DUOX2: variants seen among roughly 807,000 people sequenced by gnomAD.
The protein encoded by DUOX2 is NADH/NADPH thyroid oxidase p138-tox.
A neutral mutation model predicts 183.3 loss-of-function variants in DUOX2; 185 were observed. The ratio of observed to expected loss-of-function variants is 1.01; its 90% CI spans 0.90 to 1.14. The LOEUF (loss-of-function observed/expected upper bound fraction) is 1.14, where lower values mean the gene tolerates loss of function less well. Among genes scored for constraint, DUOX2 ranks in the 50% most tolerant of loss-of-function variants. The pLI is 0.00. For synonymous variants in DUOX2, 788 were observed against 812.4 expected, an observed-to-expected ratio of 0.97 and a Z score of 0.51; for missense variants, 1,999 against 2,022.9, an observed-to-expected ratio of 0.99 and a Z score of 0.23.
chr15:45,097,952 A>G, intron 27 of DUOX2, 57 bp downstream of exon 27: 1 of 1,577,804 alleles, frequency 6.3e-7, no homozygotes, highest in Non-Finnish European at 8.7e-7. Flanking sequence ...ATTCACAGAG[A>G]GATGGAGACA....
rs748234399 is a variant in DUOX2, at chr15:45,094,702, AG to A, written c.4396-12del. ...CCGCTCGCAGATGTACTGGGGGCAC[AG>A]GGGCAGGTCAGACCAAAGACAGTCA... On this transcript the variant is annotated splice_polypyrimidine_tract_variant and intron_variant, in intron 32 of 33. Coordinates refer to ENST00000389039, the MANE Select transcript of DUOX2 (RefSeq NM_001363711.2). 11 of 1,613,818 alleles carry A rather than the reference AG, an allele frequency of 6.8e-6. No individual in the cohort carries two copies. Among genetic ancestry groups the A allele is most frequent in the Non-Finnish European group, 5.1e-6 (6 of 1,179,882 alleles).
chr15:45,108,577 A>C (rs990017797), intron 12 of DUOX2: 1 of 665,702 alleles, frequency 1.5e-6, no homozygotes, highest in South Asian at 1.9e-5. Context: ...GGTACAATGC[A>C]GTGGTTAGGA....
intron 9 of DUOX2, 137 bp downstream of exon 9, chr15:45,110,291 T>G: frequency 1.3e-6 from 1 of 798,352 alleles, no homozygotes; most frequent in Non-Finnish European, 2.0e-6. Context: ...ACCCCAGGGT[T>G]CTGTTTCAGG....
At chr15:45,103,478 G>A (rs1045487508) in intron 20 of DUOX2, among the ~76,000 whole-genome samples, 10 of 152,146 alleles carry the variant, frequency 6.6e-5, no homozygotes, top group Admixed American at 2.0e-4. Context: ...AAACCAGAAA[G>A]GGCTTAAGAT....
At position 45,112,674 on chromosome 15, in the gene DUOX2, C is replaced by T; in HGVS notation, c.205G>A (p.Val69Met). 1.2e-6 allele frequency: 2 copies of T among 1,612,772 alleles called. No individual in the cohort carries two copies. The highest frequency in any genetic ancestry group is 1.7e-6 in the Non-Finnish European group (2 of 1,179,908). ...TGCGGCTCCTCCAGAGCCTGATACACACCGTCGGCGTAATTGGCTGGTACG... is the reference window on the plus strand; with the variant it reads ...TGCGGCTCCTCCAGAGCCTGATACATACCGTCGGCGTAATTGGCTGGTACG... ...RRVPANYADG[V>M]YQALEEPQLP... Residue 69 changes from valine (V) to methionine (M), a missense_variant, in exon 4 of 34, where the codon GTG becomes ATG. By Grantham distance (21) the Val-to-Met change is conservative. Transcript: ENST00000389039.
At position 45,111,896 on chromosome 15, in the gene DUOX2, G is replaced by A. The variant is rs201139674; in HGVS notation, c.385C>T (p.Leu129Phe). The A allele has an allele frequency of 4.6e-5, 75 of 1,613,880 alleles. No individual in the cohort carries two copies. The highest frequency in any genetic ancestry group is 3.3e-4 in the Middle Eastern group (2 of 6,060). ...TCTCCAGGTGGGATGCGGATGTTGA[G>A]GAACTCGGCGGGGCAACCGGGCGTT... ...VETPGCPAEFLNIRIPPGDPV... is the reference protein window; with the variant it reads ...VETPGCPAEFFNIRIPPGDPV... Residue 129 changes from leucine (L) to phenylalanine (F), a missense_variant, in exon 5 of 34, where the codon CTC becomes TTC. Around this residue, in one of 3 missense-constraint regions of DUOX2, gnomAD observed 356 missense variants for 356.4 expected, o/e 1.00. Transcript: ENST00000389039.
intron 8 of DUOX2, 32 bp downstream of exon 8, chr15:45,110,618 C>G: frequency 6.2e-7 from 1 of 1,613,588 alleles, no homozygotes; most frequent in Non-Finnish European, 8.5e-7. Context: ...CAGGATTCTC[C>G]GCACAGGTGT....
chr15:45,094,598 G>A lies in DUOX2; in HGVS notation c.4489C>T (p.Pro1497Ser). The change falls in exon 33 of 34, where the codon CCC becomes TCC. Residue 1497 changes from proline to serine, a missense_variant. Physicochemically the swap from Pro to Ser is moderately conservative, Grantham distance 74. Transcript: ENST00000389039. ...ITHFGRPPFE[P>S]FFNSLQEVHP... ...ACCTCCTGCAGGGAGTTGAAGAAGGGCTCGAAGGGGGGACGGCCAAAGTGG... is the reference window on the plus strand; with the variant it reads ...ACCTCCTGCAGGGAGTTGAAGAAGGACTCGAAGGGGGGACGGCCAAAGTGG... 2 of 1,614,068 alleles carry A rather than the reference G, an allele frequency of 1.2e-6. No homozygotes were observed. Among genetic ancestry groups the A allele is most frequent in the Non-Finnish European group, 1.7e-6 (2 of 1,179,978 alleles).
In DUOX2 at chr15:45,106,564, T is replaced by A. The variant is rs1373090030; in HGVS notation, c.1909A>T (p.Ser637Cys). 1.2e-6 allele frequency: 2 copies of A among 1,614,156 alleles called. No homozygotes were observed. Among genetic ancestry groups the A allele is most frequent in the African/African-American group, 1.3e-5 (1 of 75,030 alleles). Reference sequence around the variant, plus strand: ...TCTTTGGCTGCTTCCTTCTTCACGCTCTCTTTGAGTTTCTTTTGTAGCTTC... The same window carrying A: ...TCTTTGGCTGCTTCCTTCTTCACGCACTCTTTGAGTTTCTTTTGTAGCTTC... Reference protein sequence around the residue: ...HKKLQKKLKESVKKEAAKDGV... With the variant: ...HKKLQKKLKECVKKEAAKDGV... The change falls in exon 16 of 34, where the codon AGC (serine) becomes TGC (cysteine). Residue 637 changes from serine to cysteine, a missense_variant. This residue lies in a region of DUOX2 where 1,628 missense variants were observed against 1,608.6 expected (regional missense o/e 1.01). Transcript: ENST00000389039.
At chr15:45,110,798 A>T in intron 7 of DUOX2, 88 bp from the exon 8 acceptor site, 1 of 1,594,606 alleles carries the variant, frequency 6.3e-7, no homozygotes, top group Admixed American at 1.7e-5. Context: ...TTCCGTGTGG[A>T]GATGAGACCA....
intron 19 of DUOX2, 33 bp downstream of exon 19, chr15:45,104,107 T>C: frequency 6.2e-7 from 1 of 1,614,032 alleles, no homozygotes. Flanking sequence ...ACCCCTGGAT[T>C]CTTGGATAGC....
chr15:45,108,041 C>T lies in DUOX2; in HGVS notation c.1574+6G>A. 1 of 1,613,816 alleles carries T rather than the reference C, an allele frequency of 6.2e-7. No homozygotes were observed. Among genetic ancestry groups the T allele is most frequent in the South Asian group, 1.1e-5 (1 of 91,068 alleles). ...AGTCTGAGGTGGGGGCCCAGGCAAG[C>T]CTTACCCATTCCTGGTGTTCTCAAA... On this transcript the variant is annotated splice_donor_region_variant and intron_variant, in intron 13 of 33. Coordinates refer to ENST00000389039, the MANE Select transcript of DUOX2 (RefSeq NM_001363711.2).
In DUOX2 at chr15:45,099,709, G is replaced by C; in HGVS notation, c.3368C>G (p.Ala1123Gly). 6.2e-7 allele frequency: 1 copy of C among 1,614,178 alleles called. No homozygotes were observed. The highest frequency in any genetic ancestry group is 8.5e-7 in the Non-Finnish European group (1 of 1,180,036). The stretch of plus-strand genomic sequence containing the variant: ...GGCGATCCAGCGGTGGAAGTCCACT[G>C]CGGCATCAAAAGGCACATAGCGGTT... ...FLNRYVPFDA[A>G]VDFHRWIAMA... The change falls in exon 25 of 34, where the codon GCA becomes GGA. Residue 1123 changes from alanine (A) to glycine (G), a missense_variant. Around this residue, in one of 3 missense-constraint regions of DUOX2, gnomAD observed 1,628 missense variants for 1,608.6 expected, o/e 1.01. Coordinates refer to ENST00000389039, the MANE Select transcript of DUOX2 (RefSeq NM_001363711.2).
At chr15:45,109,316 A>T in intron 11 of DUOX2, 1 of 612,872 alleles carries the variant, frequency 1.6e-6, no homozygotes, top group Non-Finnish European at 2.9e-6. Flanking sequence ...AGACATAGTT[A>T]ATTTAAAATA....
chr15:45,106,272 C>A lies in DUOX2; in HGVS notation c.2001G>T (p.Leu667=), dbSNP rs1894211800. 3 of 1,614,164 alleles carry A rather than the reference C, an allele frequency of 1.9e-6. No individual in the cohort carries two copies. The highest frequency in any genetic ancestry group is 1.7e-6 in the Non-Finnish European group (2 of 1,180,030). Residue 667 remains leucine (L), a synonymous_variant, in exon 17 of 34, where the codon CTG becomes CTT. Coordinates refer to ENST00000389039, the MANE Select transcript of DUOX2 (RefSeq NM_001363711.2). ...TCAGGACCTGCAGACACCTGTCTGA[C>A]AGCAGCTGGATGATGATGGGACTGC... ...ERSSPIIIQL[L]SDRCLQVLNR...
rs1894248187 is a variant in DUOX2 at position 45,107,410 on chromosome 15, A to C, written c.1628T>G (p.Val543Gly). Residue 543 changes from valine (V) to glycine (G), a missense_variant, in exon 14 of 34, where the codon GTG becomes GGG. Physicochemically the swap from Val to Gly is moderately radical, Grantham distance 109. Transcript: ENST00000389039. ...GTCAATGTTGATAACAGCGACCAGC[A>C]CGTCCCGCAGGGTGGTATTTCGGAT... is the stretch of plus-strand genomic sequence containing the variant. ...EDIRNTTLRD[V>G]LVAVINIDPS... The C allele has an allele frequency of 6.2e-7, 1 of 1,614,220 alleles. No homozygotes were observed. The highest frequency in any genetic ancestry group is 8.5e-7 in the Non-Finnish European group (1 of 1,180,038).
At chr15:45,103,463 C>A (rs1894131166) in intron 20 of DUOX2, among the ~76,000 whole-genome samples, 1 of 152,008 alleles carries the variant, frequency 6.6e-6, no homozygotes, top group African/African-American at 2.4e-5. Flanking sequence ...TTTACCGGCA[C>A]AACAAAACCA....
intron 4 of DUOX2, 129 bp downstream of exon 4, chr15:45,112,425 G>C: frequency 8.6e-7 from 1 of 1,163,752 alleles, no homozygotes. Flanking sequence ...CAGTCTCGAA[G>C]TGCTGCGTAG....
Position 45,100,175 on chromosome 15 carries a change from T to C in DUOX2, c.3059A>G (p.Gln1020Arg), listed in dbSNP as rs773748106. The C allele has an allele frequency of 1.7e-5, 27 of 1,614,030 alleles. No homozygotes were observed. Among genetic ancestry groups the C allele is most frequent in the Non-Finnish European group, 2.3e-5 (27 of 1,180,028 alleles). Residue 1020 changes from glutamine (Q) to arginine (R), a missense_variant, in exon 24 of 34, where the codon CAG (glutamine) becomes CGG (arginine). Coordinates refer to ENST00000389039, the MANE Select transcript of DUOX2 (RefSeq NM_001363711.2). ...CAGCTTTTGGGCTAGGAAGCCTCGC[T>C]GCATCTTCTCTTGCAGCGCCTCTGT... ...LYTEALQEKM[Q>R]RGFLAQKLQQ...
Sources: allele counts gnomAD v4.1 joint callset (sites outside exome capture counted in the v4.1 genomes callset), GRCh38; gene constraint gnomAD v4.1.1; regional missense constraint gnomAD v4.1.1; transcripts MANE v1.5; gene names NCBI Gene and HGNC (gene_info 2026-07-23, HGNC 2026-07-21).